PDE1C: variants seen among roughly 807,000 people sequenced by gnomAD.
PDE1C encodes phosphodiesterase 1C.
PDE1C carries 62 observed loss-of-function variants against 93.1 expected under a neutral mutation model. The observed-to-expected ratio is 0.67, with a 90% CI of 0.54 to 0.82. PDE1C has a LOEUF of 0.82. Ranked by LOEUF, PDE1C falls within the 40% of genes least tolerant of loss-of-function variation. The pLI, the probability that PDE1C is intolerant of heterozygous loss-of-function variation, is 0.00. For missense variants in PDE1C, 742 were observed against 884.6 expected (o/e 0.84, Z 2.04); for synonymous variants, 325 against 310.1 (o/e 1.05, Z -0.50).
chr7:32,400,773 G>T (rs1318951452), intron 1 of PDE1C, among the ~76,000 whole-genome samples: 1 of 152,198 alleles, frequency 6.6e-6, no homozygotes, highest in Non-Finnish European at 1.5e-5. Flanking sequence ...GCAAAACAGT[G>T]ACACTGTGAC....
the PDE1C span, among the ~76,000 whole-genome samples, chr7:31,736,350 AGAC>A: frequency 6.6e-6 from 1 of 152,164 alleles, no homozygotes; most frequent in African/African-American, 2.4e-5. Context: ...CCTGCCTAAT[AGAC>A]AAGGACACAT....
chr7:31,662,607 G>T, the PDE1C span, among the ~76,000 whole-genome samples: 8 of 152,150 alleles, frequency 5.3e-5, no homozygotes, highest in African/African-American at 1.7e-4. Flanking sequence ...TTGTGTAGAC[G>T]TATGTGACTG....
upstream of PDE1C, among the ~76,000 whole-genome samples, chr7:32,075,081 C>T (rs963668605): frequency 1.3e-5 from 2 of 152,202 alleles, no homozygotes; most frequent in African/African-American, 4.8e-5. Context: ...GCCACAGGAG[C>T]ATGCAACAAC....
At chr7:32,123,875 G>A (rs186648214) in intron 3 of PDE1C, among the ~76,000 whole-genome samples, 2 of 152,270 alleles carry the variant, frequency 1.3e-5, no homozygotes, top group Admixed American at 1.3e-4. Flanking sequence ...GCAAGAGAAA[G>A]GAATAAAGCG....
rs373450359 is a variant in PDE1C at position 32,117,418 on chromosome 7, C to T, written c.308+52367G>A. Among the ~76,000 whole-genome samples, 12 of 152,320 alleles carry T rather than the reference C, an allele frequency of 7.9e-5. No homozygotes were observed. The East Asian group carries it at 1.9e-3, about 24-fold the overall frequency. ...ATGAATGCAGATGTGTTAGGCTCTTCTATAGGTAATAAAACTGAGCCCCCT... is the reference window on the plus strand; with the variant it reads ...ATGAATGCAGATGTGTTAGGCTCTTTTATAGGTAATAAAACTGAGCCCCCT... On this transcript the variant is annotated intron_variant, in intron 3 of 18. Transcript: ENST00000396193.
intron 1 of PDE1C, among the ~76,000 whole-genome samples, chr7:32,224,351 C>T (rs191124209): frequency 1.6e-3 from 248 of 151,514 alleles, no homozygotes; most frequent in African/African-American, 5.6e-3. Context: ...CCAGCCTGGG[C>T]GACAGTGAGA....
chr7:31,643,808 C>T, the PDE1C span: 1 of 1,613,996 alleles, frequency 6.2e-7, no homozygotes, highest in East Asian at 2.2e-5. Context: ...CATCACCACC[C>T]TCACTGCCAC....
At chr7:32,282,802 G>C (rs895573638) in intron 1 of PDE1C, among the ~76,000 whole-genome samples, 5 of 151,930 alleles carry the variant, frequency 3.3e-5, no homozygotes, top group African/African-American at 1.2e-4. Context: ...GGATGGTCTC[G>C]ATCTCCTAAC....
At chr7:31,712,129 T>C in the PDE1C span, among the ~76,000 whole-genome samples, 2 of 152,356 alleles carry the variant, frequency 1.3e-5, no homozygotes, top group East Asian at 3.9e-4. Flanking sequence ...CTTCTTGTGA[T>C]CATCCATTTG....
intron 2 of PDE1C, among the ~76,000 whole-genome samples, chr7:31,950,271 G>C (rs1457342538): frequency 1.3e-5 from 2 of 152,098 alleles, no homozygotes; most frequent in Non-Finnish European, 2.9e-5. Flanking sequence ...ACTCCCAATG[G>C]GCTTATGAGG....
intron 1 of PDE1C, among the ~76,000 whole-genome samples, chr7:32,060,967 A>T (rs1794734780): frequency 6.6e-6 from 1 of 152,202 alleles, no homozygotes; most frequent in Admixed American, 6.5e-5. Context: ...AGTCAGAGAG[A>T]CAAATGAAAA....
At chr7:32,205,706 C>T (rs1248968349) in intron 2 of PDE1C, among the ~76,000 whole-genome samples, 1 of 152,154 alleles carries the variant, frequency 6.6e-6, no homozygotes, top group African/African-American at 2.4e-5. Flanking sequence ...GTCTGCACTA[C>T]CTTTATGAGC....
intron 3 of PDE1C, among the ~76,000 whole-genome samples, chr7:32,082,086 G>A (rs1280624429): frequency 6.6e-6 from 1 of 152,276 alleles, no homozygotes; most frequent in African/African-American, 2.4e-5. Context: ...AGTGCAAGGG[G>A]TCAGGGAGTT....
intron 7 of PDE1C, among the ~76,000 whole-genome samples, chr7:31,860,157 C>T (rs894077131): frequency 1.2e-4 from 19 of 152,146 alleles, no homozygotes; most frequent in African/African-American, 3.9e-4. Context: ...TATATGAGAA[C>T]ATAATTTCTT....
chr7:31,987,490 A>G (rs992221231), intron 2 of PDE1C, among the ~76,000 whole-genome samples: 2 of 152,160 alleles, frequency 1.3e-5, no homozygotes, highest in African/African-American at 2.4e-5. Context: ...CCACAAGCCT[A>G]AAGAGAAAAG....
intron 7 of PDE1C, among the ~76,000 whole-genome samples, chr7:31,858,626 AGTCTATATATAAG>A (rs1794301961): frequency 6.6e-6 from 1 of 152,154 alleles, no homozygotes; most frequent in Non-Finnish European, 1.5e-5. Context: ...TTTTTAAGAA[AGTCTATATATAAG>A]GTCATACAAT....
At chr7:31,656,538 G>A in the PDE1C span, 1 of 854,312 alleles carries the variant, frequency 1.2e-6, no homozygotes, top group South Asian at 5.4e-5. Flanking sequence ...AGAACTGTTA[G>A]CAAAGTACTT....
At chr7:31,976,510 T>C (rs1301896815) in intron 2 of PDE1C, among the ~76,000 whole-genome samples, 1 of 152,202 alleles carries the variant, frequency 6.6e-6, no homozygotes, top group Non-Finnish European at 1.5e-5. Context: ...GATATATGGT[T>C]TCTATTAAAT....
chr7:32,313,089 C>T (rs113955139), intron 1 of PDE1C, among the ~76,000 whole-genome samples: 22,573 of 151,662 alleles, frequency 0.15, 2,042 homozygotes, highest in East Asian at 0.39. Flanking sequence ...AAAAAGTGGG[C>T]GAAGGATATG....
Sources: allele counts gnomAD v4.1 joint callset (sites outside exome capture counted in the v4.1 genomes callset), GRCh38; gene constraint gnomAD v4.1.1; transcripts MANE v1.5; gene names NCBI Gene and HGNC (gene_info 2026-07-23, HGNC 2026-07-21).